Variants in LRFN1 observed in about 807,000 individuals in gnomAD.
LRFN1 encodes leucine rich repeat and fibronectin type III domain containing 1.
In LRFN1, 20 loss-of-function variants were observed where a neutral mutation model predicts 31.8. The observed-to-expected ratio is 0.63, with a 90% CI of 0.44 to 0.91. LRFN1 has a LOEUF of 0.91. LRFN1 is among the 40% of genes least tolerant of loss of function. The pLI is 0.00. For synonymous variants in LRFN1, 514 were observed against 541.3 expected (o/e 0.95, Z 0.70); for missense variants, 912 against 1,129.8 (o/e 0.81, Z 2.76).
In LRFN1 at chr19:39,315,292, G is replaced by A. The variant is rs2075168321; in HGVS notation, c.45C>T (p.Pro15=). ...GCAGCAGCAGAAAGGGCAGGGCAGCGGGCGGCGGCGAGAGGAGGGCCGAGG... is the reference window on the plus strand; with the variant it reads ...GCAGCAGCAGAAAGGGCAGGGCAGCAGGCGGCGGCGAGAGGAGGGCCGAGG... ...PFSSALLSPP[P]AALPFLLLLW... is the part of the protein sequence containing the mutation. Residue 15 remains proline, a synonymous_variant, in exon 4 of 5, where the codon CCC becomes CCT. Transcript: ENST00000248668. The surrounding 1 kb of genome is among the most constrained non-coding windows in gnomAD (Gnocchi z 4.7). 2 of 1,500,112 alleles carry A rather than the reference G, an allele frequency of 1.3e-6. No individual in the cohort carries two copies. The highest frequency in any genetic ancestry group is 1.8e-6 in the Non-Finnish European group (2 of 1,128,250). 92.9% of individuals were successfully genotyped at this position (1,500,112 alleles called of 1,614,324 possible).
chr19:39,320,558 G>T (rs2075185476), intron 1 of LRFN1, among the ~76,000 whole-genome samples: 1 of 151,940 alleles, frequency 6.6e-6, no homozygotes, highest in South Asian at 2.1e-4. Context: ...GGCCGCTCGG[G>T]GGGACACGCG....
intron 2 of LRFN1, among the ~76,000 whole-genome samples, chr19:39,317,802 A>C (rs1326839883): frequency 2.6e-5 from 4 of 152,106 alleles, no homozygotes; most frequent in Non-Finnish European, 1.5e-5. Flanking sequence ...AACACTATAT[A>C]CATGTGAGCT....
Position 39,315,205 on chromosome 19 carries a change from C to T in LRFN1, c.132G>A (p.Ala44=), listed in dbSNP as rs561263224. Residue 44 remains alanine (A), a synonymous_variant, in exon 4 of 5, where the codon GCG becomes GCA. Coordinates refer to ENST00000248668, the MANE Select transcript of LRFN1 (RefSeq NM_020862.2). The surrounding 1 kb of genome is among the most constrained non-coding windows in gnomAD (Gnocchi z 4.7). The part of the protein sequence containing the change: ...CPGRCICQNV[A]PTLTMLCAKT... ...TGGCGCACAGCATTGTCAGTGTGGG[C>T]GCCACGTTCTGGCAGATGCAGCGGC... is the stretch of plus-strand genomic sequence containing the variant. The T allele has an allele frequency of 4.4e-6, 7 of 1,579,920 alleles. No individual in the cohort carries two copies. In the African/African-American group the frequency reaches 6.7e-5, roughly 15 times the overall value.
intron 4 of LRFN1, among the ~76,000 whole-genome samples, chr19:39,311,647 G>A (rs1342379128): frequency 6.6e-6 from 1 of 152,140 alleles, no homozygotes; most frequent in Non-Finnish European, 1.5e-5. Flanking sequence ...GGGTCATCAC[G>A]CCTTCATAGC....
At position 39,307,753 on chromosome 19, in the gene LRFN1, C is replaced by T. The variant is rs765455703; in HGVS notation, c.2196G>A (p.Thr732=). Residue 732 remains threonine, a synonymous_variant, in exon 5 of 5, where the codon ACG becomes ACA. Coordinates refer to ENST00000248668, the MANE Select transcript of LRFN1 (RefSeq NM_020862.2). This position sits in a 1 kb window ranked among gnomAD's most constrained non-coding sequence, Gnocchi z 6.7. ...RARRTKRHRS[T]PHLDGAGGGA... is the part of the protein sequence containing the mutation. ...CCCCTCCAGCCCCGTCCAGGTGCGG[C>T]GTGGACCGGTGGCGCTTTGTCCGCC... The T allele has an allele frequency of 2.7e-6, 4 of 1,490,470 alleles. No individual in the cohort carries two copies. The highest frequency in any genetic ancestry group is 4.9e-5 in the East Asian group (2 of 40,646). The allele number at this position is 1,490,470 out of a possible 1,614,324, so 92.3% of individuals were successfully genotyped here.
intron 4 of LRFN1, among the ~76,000 whole-genome samples, chr19:39,309,031 C>T (rs886698705): frequency 2.6e-5 from 4 of 152,236 alleles, no homozygotes; most frequent in African/African-American, 7.2e-5. Context: ...GGTCAGCTCA[C>T]AGCGCCTGTC....
At chr19:39,311,122 G>A (rs961115684) in intron 4 of LRFN1, among the ~76,000 whole-genome samples, 1 of 152,146 alleles carries the variant, frequency 6.6e-6, no homozygotes, top group Admixed American at 6.5e-5. Context: ...GACAGAGGCT[G>A]GCTCCTTAAG....
chr19:39,314,656 G>C lies in LRFN1; in HGVS notation c.681C>G (p.Pro227=). Residue 227 remains proline, a synonymous_variant, in exon 4 of 5, where the codon CCC becomes CCG. Coordinates refer to ENST00000248668, the MANE Select transcript of LRFN1 (RefSeq NM_020862.2). The part of the protein sequence containing the change: ...MTSNRLHKLP[P]DGLFLRSQGT... ...CCTGCGACCTCAGGAAGAGCCCGTCGGGCGGGAGTTTATGCAGGCGGTTGG... is the reference window on the plus strand; with the variant it reads ...CCTGCGACCTCAGGAAGAGCCCGTCCGGCGGGAGTTTATGCAGGCGGTTGG... 6.2e-7 allele frequency: 1 copy of C among 1,612,752 alleles called. No homozygotes were observed. Among genetic ancestry groups the C allele is most frequent in the Non-Finnish European group, 8.5e-7 (1 of 1,179,298 alleles).
intron 4 of LRFN1, among the ~76,000 whole-genome samples, chr19:39,312,295 C>G (rs541446020): frequency 5.3e-5 from 8 of 152,140 alleles, no homozygotes; most frequent in African/African-American, 1.9e-4. Flanking sequence ...GAAGATCTGA[C>G]AGCCAGGAGC....
Position 39,314,224 on chromosome 19 carries a change from G to A in LRFN1, c.1113C>T (p.Ile371=). ...TCGCTTCCCCAGCAGCATTGGAGGCGATACAAGTGAAGGTGCCACTGTCCC... is the reference window on the plus strand; with the variant it reads ...TCGCTTCCCCAGCAGCATTGGAGGCAATACAAGTGAAGGTGCCACTGTCCC... ...TLRDSGTFTC[I]ASNAAGEATA... is the part of the protein sequence containing the mutation. Residue 371 remains isoleucine (I), a synonymous_variant, in exon 4 of 5, where the codon ATC becomes ATT. Coordinates refer to ENST00000248668, the MANE Select transcript of LRFN1 (RefSeq NM_020862.2). The A allele has an allele frequency of 6.2e-6, 10 of 1,613,314 alleles. No homozygotes were observed. The highest frequency in any genetic ancestry group is 7.6e-6 in the Non-Finnish European group (9 of 1,179,684).
At position 39,308,251 on chromosome 19, in the gene LRFN1, G is replaced by T. The variant is rs2075137305; in HGVS notation, c.1698C>A (p.Asp566Glu). The T allele has an allele frequency of 6.2e-7, 1 of 1,612,578 alleles. No individual in the cohort carries two copies. The highest frequency in any genetic ancestry group is 1.7e-5 in the Admixed American group (1 of 59,958). ...MIRYKVYGDGDSRRVKGSRSL... is the reference protein window; with the variant it reads ...MIRYKVYGDGESRRVKGSRSL... Reference sequence around the variant, plus strand: ...ACCTGGAGCCCTTGACGCGGCGGCTGTCCCCGTCGCCATACACCTTATAGC... The same window carrying T: ...ACCTGGAGCCCTTGACGCGGCGGCTTTCCCCGTCGCCATACACCTTATAGC... Residue 566 changes from aspartate to glutamate, a missense_variant, in exon 5 of 5, where the codon GAC becomes GAA. Asp to Glu is a conservative substitution (Grantham distance 45, BLOSUM62 2). Transcript: ENST00000248668. This position sits in a 1 kb window ranked among gnomAD's most constrained non-coding sequence, Gnocchi z 6.2.
chr19:39,307,497 C>G lies in LRFN1; in HGVS notation c.*136G>C, dbSNP rs2075133075. ...AGCCGCAGCCCGAGGCTGCCCCGCC[C>G]CCTCCCGGGGACAAGGGCGCGTCTC... On this transcript the variant is annotated 3_prime_UTR_variant, in exon 5 of 5. Transcript: ENST00000248668. The surrounding 1 kb of genome is among the most constrained non-coding windows in gnomAD (Gnocchi z 6.7). 2 of 1,037,556 alleles carry G rather than the reference C, an allele frequency of 1.9e-6. No homozygotes were observed. The highest frequency in any genetic ancestry group is 3.0e-5 in the South Asian group (1 of 33,386). The allele number at this position is 1,037,556 out of a possible 1,614,324, so 64.3% of individuals were successfully genotyped here. A position where few individuals can be genotyped will look rare whatever the true frequency, so the allele number is the denominator to read the frequency against.
intron 4 of LRFN1, among the ~76,000 whole-genome samples, chr19:39,312,892 G>A (rs948267592): frequency 2.0e-5 from 3 of 151,886 alleles, no homozygotes; most frequent in Non-Finnish European, 4.4e-5. Context: ...TATGGACCAC[G>A]ACCTACTGGG....
In LRFN1 at chr19:39,307,272, G is replaced by T. The variant is rs550952178; in HGVS notation, c.*361C>A. 1 of 398,532 alleles carries T rather than the reference G, an allele frequency of 2.5e-6. No individual in the cohort carries two copies. The highest frequency in any genetic ancestry group is 4.4e-6 in the Non-Finnish European group (1 of 225,952). 24.7% of individuals were successfully genotyped at this position (398,532 alleles called of 1,614,324 possible). On this transcript the variant is annotated 3_prime_UTR_variant, in exon 5 of 5. Transcript: ENST00000248668. This position sits in a 1 kb window ranked among gnomAD's most constrained non-coding sequence, Gnocchi z 6.7. The stretch of plus-strand genomic sequence containing the variant: ...TCGCCCCGGCCCCGGGTGACGGGCT[G>T]GGGGAGGGGGCTCGTGTCTCAGTGC...
At position 39,308,192 on chromosome 19, in the gene LRFN1, G is replaced by A. The variant is rs2145028031; in HGVS notation, c.1757C>T (p.Thr586Ile). ...TGCCGCGCCTGTGCCTGCGCCGTTG[G>A]TCTGCGAGCACACGTGGCTGACCCG... ...LPRVSHVCSQTNGAGTGAAQA... is the reference protein window; with the variant it reads ...LPRVSHVCSQINGAGTGAAQA... Residue 586 changes from threonine to isoleucine, a missense_variant, in exon 5 of 5, where the codon ACC (threonine) becomes ATC (isoleucine). This residue lies in a region of LRFN1 where 511 missense variants were observed against 557.0 expected (regional missense o/e 0.92). Transcript: ENST00000248668. This position sits in a 1 kb window ranked among gnomAD's most constrained non-coding sequence, Gnocchi z 6.2. 1.3e-6 allele frequency: 2 copies of A among 1,600,000 alleles called. No homozygotes were observed. Among genetic ancestry groups the A allele is most frequent in the South Asian group, 2.2e-5 (2 of 89,884 alleles).
chr19:39,309,478 C>CAAAAAAAAAAAAAACA (rs2075143044), intron 4 of LRFN1, among the ~76,000 whole-genome samples: 1 of 32,004 alleles, frequency 3.1e-5, no homozygotes, highest in African/African-American at 1.5e-4. Context: ...ACAAACAAAC[C>CAAAAAAAAAAAAAACA]AAAAAAAAAA....
In LRFN1 at chr19:39,308,077, C is replaced by A. The variant is rs550097387; in HGVS notation, c.1872G>T (p.Lys624Asn). 1.3e-5 allele frequency: 19 copies of A among 1,505,450 alleles called. No individual in the cohort carries two copies. Among genetic ancestry groups the A allele is most frequent in the African/African-American group, 2.8e-5 (2 of 70,542 alleles). 93.3% of individuals were successfully genotyped at this position (1,505,450 alleles called of 1,614,324 possible). A position where few individuals can be genotyped will look rare whatever the true frequency, so the allele number is the denominator to read the frequency against. The change falls in exon 5 of 5, where the codon AAG becomes AAT. Residue 624 changes from lysine (K) to asparagine (N), a missense_variant. Physicochemically the swap from Lys to Asn is moderately conservative, Grantham distance 94 (BLOSUM62 0). Coordinates refer to ENST00000248668, the MANE Select transcript of LRFN1 (RefSeq NM_020862.2). This position sits in a 1 kb window ranked among gnomAD's most constrained non-coding sequence, Gnocchi z 6.2. ...CGGATGCCGTCTCGGCCTCCATGGC[C>A]TTGGCCTCGACGGCGACGGCGGGGG... is the stretch of plus-strand genomic sequence containing the variant. ...QAAPAVAVEAKAMEAETASAE... is the reference protein window; with the variant it reads ...QAAPAVAVEANAMEAETASAE...
intron 1 of LRFN1, among the ~76,000 whole-genome samples, chr19:39,319,911 G>T (rs901721716): frequency 2.4e-4 from 37 of 152,168 alleles, no homozygotes; most frequent in South Asian, 2.1e-4. Flanking sequence ...AGCCCCAAAG[G>T]TTCCCCAGCC....
Position 39,308,416 on chromosome 19 carries a change from G to A in LRFN1, c.1533C>T (p.Gly511=). ...ATALPATRVV[G]CVQFTTAGDP... ...CCCCAGCGGTGGTGAACTGTACACA[G>A]CCCACCACTCGCGTTGCCGGCAGCG... Residue 511 remains glycine, a synonymous_variant, in exon 5 of 5, where the codon GGC becomes GGT. Transcript: ENST00000248668. This position sits in a 1 kb window ranked among gnomAD's most constrained non-coding sequence, Gnocchi z 6.2. The A allele has an allele frequency of 6.2e-7, 1 of 1,611,332 alleles. No homozygotes were observed. Among genetic ancestry groups the A allele is most frequent in the Non-Finnish European group, 8.5e-7 (1 of 1,179,376 alleles).
Sources: allele counts gnomAD v4.1 joint callset (sites outside exome capture counted in the v4.1 genomes callset), GRCh38; gene constraint gnomAD v4.1.1; regional missense constraint gnomAD v4.1.1; non-coding constraint Gnocchi (gnomAD v3.1); transcripts MANE v1.5; gene names NCBI Gene and HGNC (gene_info 2026-07-23, HGNC 2026-07-21).